Variants in RECQL observed in about 807,000 individuals in gnomAD.
RECQL encodes RecQ like helicase.
Under a neutral mutation model 75.8 loss-of-function variants are expected in RECQL, and 73 were observed. That is an observed-to-expected ratio of 0.96 (90% CI 0.80 to 1.17). The LOEUF (loss-of-function observed/expected upper bound fraction) is 1.17, where lower values mean the gene tolerates loss of function less well. Among genes scored for constraint, RECQL ranks in the 50% most tolerant of loss-of-function variants. RECQL has a pLI of 0.00. For missense variants in RECQL, 699 were observed against 772.1 expected (o/e 0.91, Z 1.12); for synonymous variants, 248 against 254.4 (o/e 0.97, Z 0.24).
intron 2 of RECQL, among the ~76,000 whole-genome samples, chr12:21,494,904 G>A (rs917941507): frequency 6.6e-6 from 1 of 152,160 alleles, no homozygotes; most frequent in Non-Finnish European, 1.5e-5. Context: ...CAAGGTATGG[G>A]GGCTAACCAT....
Position 21,478,087 on chromosome 12 carries a change from T to C in RECQL, c.701-118A>G. ...ATGATTTTGTTTCCACAGCCATCTA[T>C]AGCAGTAAATTTGCAGTTCTGTGTT... On this transcript the variant is annotated intron_variant, in intron 6 of 14. Coordinates refer to ENST00000444129, the MANE Select transcript of RECQL (RefSeq NM_002907.4). The C allele has an allele frequency of 4.1e-6, 4 of 977,972 alleles. No individual in the cohort carries two copies. The East Asian group carries it at 1.0e-4, about 26-fold the overall frequency. 60.6% of individuals were successfully genotyped at this position (977,972 alleles called of 1,614,324 possible).
chr12:21,500,423 G>C (rs1388743944), intron 1 of RECQL, among the ~76,000 whole-genome samples: 2 of 152,086 alleles, frequency 1.3e-5, no homozygotes, highest in East Asian at 3.9e-4. Context: ...CTAAAACTAA[G>C]ATGCTCTCCA....
intron 2 of RECQL, among the ~76,000 whole-genome samples, chr12:21,498,866 A>T (rs1943554772): frequency 6.6e-6 from 1 of 152,240 alleles, no homozygotes; most frequent in Non-Finnish European, 1.5e-5. Flanking sequence ...TGATCACATG[A>T]CCAATTGAAA....
chr12:21,489,020 A>G (rs10743416), intron 4 of RECQL, among the ~76,000 whole-genome samples: 58,369 of 151,962 alleles, frequency 0.38, 11,373 homozygotes, highest in East Asian at 0.51. Context: ...CTGCCTACTC[A>G]CCCTTTAAAC....
chr12:21,472,320 T>C (rs997859604), intron 12 of RECQL, among the ~76,000 whole-genome samples: 3 of 151,744 alleles, frequency 2.0e-5, no homozygotes, highest in Admixed American at 6.6e-5. Context: ...GGGTTCCCAG[T>C]TTCATGCAAG....
rs577282457 is a variant in RECQL at position 21,501,348 on chromosome 12, T to A, written c.-224A>T. Reference sequence around the variant, plus strand: ...CCGCCAATGTGTGGGCGAAAGGAAGTGATCCGCTACAGACCGGCCTCGCCC... The same window carrying A: ...CCGCCAATGTGTGGGCGAAAGGAAGAGATCCGCTACAGACCGGCCTCGCCC... On this transcript the variant is annotated 5_prime_UTR_variant, in exon 1 of 15. Transcript: ENST00000444129. 6.6e-6 allele frequency: 1 copy of A among 152,442 alleles called. No homozygotes were observed. The highest frequency in any genetic ancestry group is 6.6e-5 in the Admixed American group (1 of 15,264). The allele number at this position is 152,442 out of a possible 1,614,324, so 9.4% of individuals were successfully genotyped here. A position where few individuals can be genotyped will look rare whatever the true frequency, so the allele number is the denominator to read the frequency against.
chr12:21,487,108 AACAT>A lies in RECQL; in HGVS notation c.395-527_395-524del, dbSNP rs1943320195. Among the ~76,000 whole-genome samples the A allele has an allele frequency of 3.3e-5, 5 of 151,790 alleles. No individual in the cohort carries two copies. The South Asian group carries it at 1.0e-3, about 32-fold the overall frequency. On this transcript the variant is annotated intron_variant, in intron 4 of 14. Coordinates refer to ENST00000444129, the MANE Select transcript of RECQL (RefSeq NM_002907.4). ...AAACAAGGTAAGTAGAAGCCAAATA[AACAT>A]ACAACTAAACAGAACTCTATCCTTA...
At chr12:21,475,381 TA>T in intron 10 of RECQL, 86 bp downstream of exon 10, 1 of 837,666 alleles carries the variant, frequency 1.2e-6, no homozygotes, top group Non-Finnish European at 1.9e-6. Flanking sequence ...CCAATAAAGA[TA>T]AAACATACAG....
At position 21,477,943 on chromosome 12, in the gene RECQL, G is replaced by T. The variant is rs1489858868; in HGVS notation, c.727C>A (p.Arg243=). The part of the protein sequence containing the change: ...PDYKALGILK[R]QFPNASLIGL... ...ATTAGTGATGCGTTAGGGAACTGCC[G>T]CTTTAAGATACCAAGTGCCTTATAA... is the stretch of plus-strand genomic sequence containing the variant. Residue 243 remains arginine, a synonymous_variant, in exon 7 of 15, where the codon CGG becomes AGG. Coordinates refer to ENST00000444129, the MANE Select transcript of RECQL (RefSeq NM_002907.4). The T allele has an allele frequency of 6.2e-7, 1 of 1,610,708 alleles. No individual in the cohort carries two copies. Among genetic ancestry groups the T allele is most frequent in the Non-Finnish European group, 8.5e-7 (1 of 1,178,834 alleles).
chr12:21,492,682 G>T (rs1193583113), intron 2 of RECQL, among the ~76,000 whole-genome samples: 1 of 152,206 alleles, frequency 6.6e-6, no homozygotes, highest in African/African-American at 2.4e-5. Flanking sequence ...ATGGCCAGGT[G>T]CTTCTGGAGC....
chr12:21,479,068 G>A (rs889678645), intron 6 of RECQL, among the ~76,000 whole-genome samples: 17 of 152,116 alleles, frequency 1.1e-4, no homozygotes, highest in Non-Finnish European at 1.9e-4. Flanking sequence ...GCTCCGCCTC[G>A]TCCTCCTGCA....
At chr12:21,496,234 T>A (rs975729682) in intron 2 of RECQL, among the ~76,000 whole-genome samples, 2 of 152,238 alleles carry the variant, frequency 1.3e-5, no homozygotes, top group Non-Finnish European at 2.9e-5. Context: ...TATGCCAAAA[T>A]TAATAAGGCT....
In RECQL at chr12:21,483,440, TCTC is replaced by T. The variant is rs1397566136; in HGVS notation, c.633_635del (p.Arg212del). The T allele has an allele frequency of 9.3e-6, 15 of 1,606,274 alleles. No individual in the cohort carries two copies. The highest frequency in any genetic ancestry group is 1.3e-5 in the African/African-American group (1 of 74,292). ...CTTCATCCACAGCAATTCGAGTAAA[TCTC>T]CTTGCTTCATAGGCTTTCTCTAGTC... On this transcript the variant is annotated inframe_deletion, in exon 6 of 15. Coordinates refer to ENST00000444129, the MANE Select transcript of RECQL (RefSeq NM_002907.4).
At chr12:21,471,380 AAAAC>A (rs1261802515) in intron 13 of RECQL, 44 bp downstream of exon 13, 2 of 1,540,502 alleles carry the variant, frequency 1.3e-6, no homozygotes. Flanking sequence ...TTTTTAAAAA[AAAAC>A]CATAAAGACA....
intron 2 of RECQL, among the ~76,000 whole-genome samples, chr12:21,492,036 C>T (rs1427609063): frequency 6.6e-6 from 1 of 152,042 alleles, no homozygotes; most frequent in African/African-American, 2.4e-5. Flanking sequence ...AGACGCAGTA[C>T]CTGGTACACA....
At chr12:21,471,273 T>C (rs1942953024) in intron 13 of RECQL, 155 bp downstream of exon 13, 1 of 965,222 alleles carries the variant, frequency 1.0e-6, no homozygotes, top group Non-Finnish European at 1.5e-6. Flanking sequence ...TTTTTTTTAT[T>C]TATAGTGATT....
rs1393647937 is a variant in RECQL, at chr12:21,486,494, AT to A, written c.485del (p.Asn162MetfsTer17). ...KQLGISATML[N>X]ASSSKEHVKW... ...TGAAACATACCTTAGAACTAGAAGC[AT>A]TTAACATGGTTGCTGAAATTCCTAA... On this transcript the variant is annotated frameshift_variant, in exon 5 of 15. Transcript: ENST00000444129. LOFTEE classifies it high-confidence loss of function. 6.3e-7 allele frequency: 1 copy of A among 1,595,902 alleles called. No individual in the cohort carries two copies. The highest frequency in any genetic ancestry group is 8.5e-7 in the Non-Finnish European group (1 of 1,174,868).
chr12:21,495,354 T>C (rs1943485726), intron 2 of RECQL, among the ~76,000 whole-genome samples: 1 of 152,154 alleles, frequency 6.6e-6, no homozygotes. Context: ...CCCAGCACTT[T>C]GGGAGGCCGA....
chr12:21,491,309 G>A (rs535063777), intron 3 of RECQL, among the ~76,000 whole-genome samples: 13 of 151,904 alleles, frequency 8.6e-5, no homozygotes, highest in South Asian at 4.2e-4. Flanking sequence ...ACAATAACTG[G>A]AAAAAAATGT....
Sources: gnomAD v4.1 joint callset for allele counts (sites outside exome capture counted in the v4.1 genomes callset) on GRCh38, gnomAD v4.1.1 for gene constraint, MANE v1.5 for transcripts, NCBI Gene and HGNC (gene_info 2026-07-23, HGNC 2026-07-21) for gene names.